TXNDC16: variants seen among roughly 807,000 people sequenced by gnomAD.
TXNDC16 encodes thioredoxin domain-containing protein 16.
A neutral mutation model predicts 85.6 loss-of-function variants in TXNDC16; 74 were observed. The ratio of observed to expected loss-of-function variants is 0.86; its 90% CI spans 0.72 to 1.05. The LOEUF is 1.05. TXNDC16 is among the 50% of genes least tolerant of loss of function. The pLI is 0.00. For synonymous variants in TXNDC16, 335 were observed against 326.5 expected, an observed-to-expected ratio of 1.03 and a Z score of -0.28; for missense variants, 959 against 947.0, an observed-to-expected ratio of 1.01 and a Z score of -0.17.
intron 16 of TXNDC16, among the ~76,000 whole-genome samples, chr14:52,461,032 AATTT>A (rs1336442166): frequency 6.6e-6 from 1 of 151,494 alleles, no homozygotes. Flanking sequence ...AACTTTCTAC[AATTT>A]ATTTAGTTTT....
chr14:52,532,170 T>C (rs1324599214), intron 6 of TXNDC16, among the ~76,000 whole-genome samples: 1 of 152,122 alleles, frequency 6.6e-6, no homozygotes. Context: ...TTTTACAGTT[T>C]GTGCTTTATA....
Position 52,457,184 on chromosome 14 carries a change from C to G in TXNDC16, c.1619-10G>C, listed in dbSNP as rs780591088. ...CTAAAATCTTCTTTTGCTATAAATA[C>G]ATAGAGAAGACAAAAATCTGAAACC... On this transcript the variant is annotated splice_polypyrimidine_tract_variant and intron_variant, in intron 16 of 20. Transcript: ENST00000281741. 2 of 1,514,122 alleles carry G rather than the reference C, an allele frequency of 1.3e-6. No homozygotes were observed. The highest frequency in any genetic ancestry group is 4.8e-5 in the East Asian group (2 of 41,662). The allele number at this position is 1,514,122 out of a possible 1,614,324, so 93.8% of individuals were successfully genotyped here.
intron 6 of TXNDC16, among the ~76,000 whole-genome samples, chr14:52,520,203 C>G (rs1487364653): frequency 6.6e-6 from 1 of 152,210 alleles, no homozygotes; most frequent in East Asian, 1.9e-4. Context: ...GGACAGAATA[C>G]AGAACAGGTG....
chr14:52,461,784 T>C (rs1452945804), intron 16 of TXNDC16, among the ~76,000 whole-genome samples: 1 of 152,232 alleles, frequency 6.6e-6, no homozygotes, highest in Non-Finnish European at 1.5e-5. Context: ...GGCCTTACCA[T>C]GGCCACCTGT....
intron 16 of TXNDC16, among the ~76,000 whole-genome samples, chr14:52,467,712 G>A (rs2035810065): frequency 6.6e-6 from 1 of 152,170 alleles, no homozygotes; most frequent in Admixed American, 6.5e-5. Context: ...ACTAAAAACA[G>A]AATTACCATA....
intron 6 of TXNDC16, among the ~76,000 whole-genome samples, chr14:52,530,455 ATAATATATAT>A (rs2037516978): frequency 7.2e-4 from 2 of 2,786 alleles, no homozygotes; most frequent in Admixed American, 7.9e-3. Context: ...TTATTATATA[ATAATATATAT>A]TATATATTAT....
Position 52,431,282 on chromosome 14 carries a change from G to A in TXNDC16, c.*1022C>T, listed in dbSNP as rs951001509. 7 of 152,220 alleles carry A rather than the reference G, an allele frequency of 4.6e-5. No homozygotes were observed. Among genetic ancestry groups the A allele is most frequent in the Non-Finnish European group, 7.3e-5 (5 of 68,046 alleles). The allele number at this position is 152,220 out of a possible 1,614,324, so 9.4% of individuals were successfully genotyped here. On this transcript the variant is annotated 3_prime_UTR_variant, in exon 21 of 21. Transcript: ENST00000281741. ...GATGAGGGAGCCTCTCTTTCCATGA[G>A]GAGATGGCAGAATGCTGAATCCCTG...
At chr14:52,519,057 C>T (rs2037148895) in intron 7 of TXNDC16, 115 bp downstream of exon 7, 6 of 1,103,130 alleles carry the variant, frequency 5.4e-6, no homozygotes, top group Admixed American at 2.6e-5. Flanking sequence ...AGTAAAGATG[C>T]TTTAGATTTA....
intron 9 of TXNDC16, among the ~76,000 whole-genome samples, chr14:52,495,159 T>TA (rs2036501662): frequency 1.3e-5 from 2 of 152,212 alleles, no homozygotes; most frequent in Non-Finnish European, 2.9e-5. Context: ...CAAATATGTG[T>TA]AAGCTCATCT....
chr14:52,525,635 T>A (rs886403589), intron 6 of TXNDC16, among the ~76,000 whole-genome samples: 5 of 150,528 alleles, frequency 3.3e-5, no homozygotes, highest in African/African-American at 9.8e-5. Flanking sequence ...GAGGCGGAGG[T>A]TGCAGTGAGC....
At chr14:52,511,159 T>G in intron 9 of TXNDC16, 81 bp downstream of exon 9, 1 of 1,253,318 alleles carries the variant, frequency 8.0e-7, no homozygotes, top group Non-Finnish European at 1.0e-6. Flanking sequence ...CTTAACAAAT[T>G]TTATGTTAAA....
chr14:52,548,258 G>A lies in TXNDC16; in HGVS notation c.-181-3887C>T, dbSNP rs534671073. Among the ~76,000 whole-genome samples, 30 of 152,264 alleles carry A rather than the reference G, an allele frequency of 2.0e-4. No individual in the cohort carries two copies. In the East Asian group the frequency reaches 3.5e-3, roughly 18 times the overall value. ...AATAATCTGTTTTAAAGAAGGGGTC[G>A]GGGGCTCCTTGCTTCTAGTGAGCAA... is the stretch of plus-strand genomic sequence containing the variant. On this transcript the variant is annotated intron_variant, in intron 1 of 20. Transcript: ENST00000281741.
Position 52,536,795 on chromosome 14 carries a change from T to C in TXNDC16, c.318-2A>G. 1 of 1,601,884 alleles carries C rather than the reference T, an allele frequency of 6.2e-7. No homozygotes were observed. On this transcript the variant is annotated splice_acceptor_variant, in intron 5 of 20. Transcript: ENST00000281741. LOFTEE classifies it high-confidence loss of function. ...AATTCTCTGAGCAATATGTTGCCCC[T>C]ATAAAAAGTTTAAAAACATATTAAT...
rs778906760 is a variant in TXNDC16 at position 52,537,710 on chromosome 14, A to G, written c.244-38T>C. The G allele has an allele frequency of 2.7e-5, 33 of 1,233,660 alleles. No homozygotes were observed. In the East Asian group the frequency reaches 7.7e-4, roughly 29 times the overall value. 76.4% of individuals were successfully genotyped at this position (1,233,660 alleles called of 1,614,324 possible). ...ATACTTAAGTTTTAGCATATATATC[A>G]AAAGGTCAAGTTTCTTGGTTGGGGA... is the stretch of plus-strand genomic sequence containing the variant. On this transcript the variant is annotated intron_variant, in intron 4 of 20. Transcript: ENST00000281741.
intron 9 of TXNDC16, among the ~76,000 whole-genome samples, chr14:52,493,632 T>C (rs1188021876): frequency 1.3e-5 from 2 of 152,032 alleles, no homozygotes; most frequent in African/African-American, 4.8e-5. Context: ...AGGGAGAATA[T>C]AGAAGAAATC....
At position 52,457,186 on chromosome 14, in the gene TXNDC16, T is replaced by C. The variant is rs1198480564; in HGVS notation, c.1619-12A>G. On this transcript the variant is annotated splice_polypyrimidine_tract_variant and intron_variant, in intron 16 of 20. Coordinates refer to ENST00000281741, the MANE Select transcript of TXNDC16 (RefSeq NM_020784.3). ...AAAATCTTCTTTTGCTATAAATACA[T>C]AGAGAAGACAAAAATCTGAAACCTT... 7.4e-6 allele frequency: 11 copies of C among 1,487,954 alleles called. 1 individual carries two copies. The Admixed American group carries it at 1.3e-4, about 17-fold the overall frequency. The allele number at this position is 1,487,954 out of a possible 1,614,324, so 92.2% of individuals were successfully genotyped here.
At chr14:52,547,575 GC>G (rs906679863) in intron 1 of TXNDC16, among the ~76,000 whole-genome samples, 1 of 152,196 alleles carries the variant, frequency 6.6e-6, no homozygotes, top group African/African-American at 2.4e-5. Context: ...CAGAACTAGA[GC>G]CCTAGCAACA....
At chr14:52,491,624 T>C (rs1013106636) in intron 9 of TXNDC16, among the ~76,000 whole-genome samples, 1 of 152,110 alleles carries the variant, frequency 6.6e-6, no homozygotes, top group South Asian at 2.1e-4. Flanking sequence ...CTAATTGATA[T>C]AGAAAAATAT....
In TXNDC16 at chr14:52,470,587, A is replaced by T. The variant is rs377152470; in HGVS notation, c.1406T>A (p.Met469Lys). The change falls in exon 15 of 21, where the codon ATG (methionine) becomes AAG (lysine). Residue 469 changes from methionine (M) to lysine (K), a missense_variant. Coordinates refer to ENST00000281741, the MANE Select transcript of TXNDC16 (RefSeq NM_020784.3). ...QNVTEFPIIK[M>K]YKKGENPVSY... ...TACTGGGTTCTCGCCTTTCTTGTAC[A>T]TCTTTATGATAGGAAATTCAGTAAC... is the stretch of plus-strand genomic sequence containing the variant. 2 of 1,613,894 alleles carry T rather than the reference A, an allele frequency of 1.2e-6. No homozygotes were observed. Among genetic ancestry groups the T allele is most frequent in the African/African-American group, 2.7e-5 (2 of 74,936 alleles).
Sources: allele counts gnomAD v4.1 joint callset (sites outside exome capture counted in the v4.1 genomes callset), GRCh38; gene constraint gnomAD v4.1.1; transcripts MANE v1.5; gene names NCBI Gene and HGNC (gene_info 2026-07-23, HGNC 2026-07-21).